NSD1: variants seen among roughly 807,000 people sequenced by gnomAD.
The protein encoded by NSD1 is nuclear receptor binding SET domain protein 1, also known as histone-lysine N-methyltransferase, H3 lysine-36 specific.
In NSD1, 26 loss-of-function variants were observed where a neutral mutation model predicts 242.7. The ratio of observed to expected loss-of-function variants is 0.11; its 90% confidence interval spans 0.08 to 0.15. NSD1 has a LOEUF of 0.15. NSD1 is among the 10% of genes least tolerant of loss of function. The pLI, the probability that NSD1 is intolerant of heterozygous loss-of-function variation, is 1.00. For missense variants in NSD1, 2,495 were observed against 3,272.8 expected (o/e 0.76, Z 5.80); for synonymous variants, 1,106 against 1,178.1 (o/e 0.94, Z 1.25).
At chr5:177,146,109 C>G (rs1433612323) in intron 2 of NSD1, among the ~76,000 whole-genome samples, 1 of 150,560 alleles carries the variant, frequency 6.6e-6, no homozygotes, top group African/African-American at 2.4e-5. Flanking sequence ...AGAGAGGTCC[C>G]TTGTATATTT....
intron 17 of NSD1, among the ~76,000 whole-genome samples, chr5:177,274,849 G>A (rs148929325): frequency 3.3e-5 from 5 of 151,708 alleles, no homozygotes; most frequent in African/African-American, 1.2e-4. Context: ...GTCTTCTGCC[G>A]CAGCCTCCCG....
intron 2 of NSD1, among the ~76,000 whole-genome samples, chr5:177,191,206 G>A (rs963144491): frequency 6.6e-6 from 1 of 151,412 alleles, no homozygotes; most frequent in Non-Finnish European, 1.5e-5. Context: ...CTGACCTCAG[G>A]TGATCCACCT....
At chr5:177,132,719 C>A (rs1755960152), upstream of NSD1, among the ~76,000 whole-genome samples, 1 of 150,938 alleles carries the variant, frequency 6.6e-6, no homozygotes, top group South Asian at 2.1e-4. The surrounding 1 kb of genome is among the most constrained non-coding windows in gnomAD (Gnocchi z 7.5). Flanking sequence ...AGGCCACGGC[C>A]GGGCGAGCAG....
chr5:177,183,011 G>A (rs6872021), intron 2 of NSD1, among the ~76,000 whole-genome samples: 126,032 of 152,052 alleles, frequency 0.83, 52,908 homozygotes, highest in East Asian at 1. Context: ...TCCTAGGCCC[G>A]AGCAGTCTTC....
At chr5:177,135,064 A>G (rs370402622) in intron 1 of NSD1, 23 bp from the exon 2 acceptor site, 2 of 1,603,966 alleles carry the variant, frequency 1.2e-6, no homozygotes, top group African/African-American at 2.7e-5. Context: ...ACTCAGATTA[A>G]TTGCTGTGCT....
intron 2 of NSD1, among the ~76,000 whole-genome samples, chr5:177,171,961 ATGCTTAGCAGCAGAATAGC>A (rs1759748235): frequency 1.3e-5 from 2 of 152,234 alleles, no homozygotes; most frequent in Non-Finnish European, 2.9e-5. Flanking sequence ...TTTTTGGTAT[ATGCTTAGCAGCAGAATAGC>A]TGGGTCACAT....
Position 177,282,621 on chromosome 5 carries a change from G to A in NSD1, c.6009+40G>A, listed in dbSNP as rs372639864. 5.1e-6 allele frequency: 7 copies of A among 1,370,432 alleles called. No individual in the cohort carries two copies. The South Asian group carries it at 7.0e-5, about 14-fold the overall frequency. 84.9% of individuals were successfully genotyped at this position (1,370,432 alleles called of 1,614,324 possible). Reference sequence around the variant, plus strand: ...ATGCTGTTTTCACTGTTACAAGATTGTAAATTTGTGTTGTCCCAGCCATAG... The same window carrying A: ...ATGCTGTTTTCACTGTTACAAGATTATAAATTTGTGTTGTCCCAGCCATAG... On this transcript the variant is annotated intron_variant, in intron 19 of 22. Coordinates refer to ENST00000439151, the MANE Select transcript of NSD1 (RefSeq NM_022455.5).
intron 4 of NSD1, among the ~76,000 whole-genome samples, chr5:177,207,761 G>T (rs1289398318): frequency 6.6e-6 from 1 of 151,348 alleles, no homozygotes; most frequent in Non-Finnish European, 1.5e-5. Context: ...TTTAAAATTT[G>T]AGACAGGATC....
rs143868375 is a variant in NSD1 at position 177,269,573 on chromosome 5, G to T, written c.5304-29G>T. On this transcript the variant is annotated intron_variant, in intron 15 of 22. Coordinates refer to ENST00000439151, the MANE Select transcript of NSD1 (RefSeq NM_022455.5). The surrounding 1 kb of genome is among the most constrained non-coding windows in gnomAD (Gnocchi z 5.1). Reference sequence around the variant, plus strand: ...CCTAATGCCTTGCAGCCTTCTAGAGGTTTTCCTTCTCCTTTTCACCTTTCC... The same window carrying T: ...CCTAATGCCTTGCAGCCTTCTAGAGTTTTTCCTTCTCCTTTTCACCTTTCC... The T allele has an allele frequency of 6.6e-5, 106 of 1,608,466 alleles. No homozygotes were observed. In the East Asian group the frequency reaches 2.3e-3, roughly 35 times the overall value.
chr5:177,185,820 T>A (rs1761105924), intron 2 of NSD1, among the ~76,000 whole-genome samples: 2 of 92,626 alleles, frequency 2.2e-5, no homozygotes, highest in Non-Finnish European at 1.9e-5. Flanking sequence ...TTTATATATA[T>A]AATATATAAG....
intron 3 of NSD1, among the ~76,000 whole-genome samples, chr5:177,195,043 C>G (rs1202486165): frequency 6.6e-6 from 1 of 152,016 alleles, no homozygotes; most frequent in Non-Finnish European, 1.5e-5. Context: ...CCTACAATCC[C>G]AGCTACTGGG....
intron 2 of NSD1, among the ~76,000 whole-genome samples, chr5:177,175,324 T>C (rs1544750): frequency 1.1e-3 from 163 of 152,316 alleles, no homozygotes; most frequent in African/African-American, 3.8e-3. Flanking sequence ...AATGCGTATA[T>C]GTTACAGACA....
chr5:177,239,623 C>G, intron 7 of NSD1, 133 bp from the exon 8 acceptor site: 1 of 617,588 alleles, frequency 1.6e-6, no homozygotes, highest in Non-Finnish European at 2.9e-6. Flanking sequence ...AATTACCATC[C>G]TGCCTCTTCC....
At chr5:177,191,825 C>T (rs1761717692) in intron 2 of NSD1, 59 bp from the exon 3 acceptor site, 1 of 1,574,088 alleles carries the variant, frequency 6.4e-7, no homozygotes, top group Middle Eastern at 1.7e-4. Flanking sequence ...ATAGGAATGA[C>T]AATAATGTTT....
intron 20 of NSD1, among the ~76,000 whole-genome samples, chr5:177,284,669 C>G (rs1181427805): frequency 6.6e-6 from 1 of 152,242 alleles, no homozygotes; most frequent in Non-Finnish European, 1.5e-5. Context: ...GAACTTACCA[C>G]TAATAGGTTT....
At chr5:177,285,711 G>A (rs1372645656) in intron 20 of NSD1, among the ~76,000 whole-genome samples, 3 of 152,098 alleles carry the variant, frequency 2.0e-5, no homozygotes, top group African/African-American at 7.2e-5. Context: ...GATAGAACTG[G>A]CCTAGGTAGT....
intron 2 of NSD1, among the ~76,000 whole-genome samples, chr5:177,174,582 G>C (rs1760021920): frequency 6.6e-6 from 1 of 151,394 alleles, no homozygotes; most frequent in African/African-American, 2.4e-5. Context: ...TTTTGACACG[G>C]AGTCTTGCTC....
intron 2 of NSD1, among the ~76,000 whole-genome samples, chr5:177,153,189 C>T (rs924030792): frequency 1.7e-4 from 26 of 148,678 alleles, no homozygotes; most frequent in African/African-American, 6.5e-4. Flanking sequence ...ATAGTAATGT[C>T]TGTGGAATTT....
rs1294146194 is a variant in NSD1, at chr5:177,202,348, C to T, written c.1064-1772C>T. On this transcript the variant is annotated intron_variant, in intron 3 of 22. Coordinates refer to ENST00000439151, the MANE Select transcript of NSD1 (RefSeq NM_022455.5). Reference sequence around the variant, plus strand: ...CTTTTTTCTCCTCACGTTGCTGGCACATCAGAAGTTCTTGATCTGTTAATG... The same window carrying T: ...CTTTTTTCTCCTCACGTTGCTGGCATATCAGAAGTTCTTGATCTGTTAATG... 2.0e-5 allele frequency among the ~76,000 whole-genome samples: 3 copies of T among 152,014 alleles called. No individual in the cohort carries two copies. In the East Asian group the frequency reaches 5.8e-4, roughly 29 times the overall value.
Sources: allele counts gnomAD v4.1 joint callset (sites outside exome capture counted in the v4.1 genomes callset), GRCh38; gene constraint gnomAD v4.1.1; non-coding constraint Gnocchi (gnomAD v3.1); transcripts MANE v1.5; gene names NCBI Gene and HGNC (gene_info 2026-07-23, HGNC 2026-07-21).